Variants in MACROD2 observed in about 807,000 individuals in gnomAD.
MACROD2 encodes the protein ADP-ribose glycohydrolase MACROD2.
MACROD2 carries 36 observed loss-of-function variants against 70.4 expected under a neutral mutation model. The ratio of observed to expected loss-of-function variants is 0.51; its 90% confidence interval spans 0.39 to 0.68. The LOEUF (loss-of-function observed/expected upper bound fraction) is 0.68, where lower values mean the gene tolerates loss of function less well. Ranked by LOEUF, MACROD2 falls within the 30% of genes least tolerant of loss-of-function variation. The pLI, the probability that MACROD2 is intolerant of heterozygous loss-of-function variation, is 0.00. For missense variants in MACROD2, 496 were observed against 538.4 expected, an observed-to-expected ratio of 0.92 and a Z score of 0.78; for synonymous variants, 172 against 178.8, an observed-to-expected ratio of 0.96 and a Z score of 0.30.
intron 5 of MACROD2, among the ~76,000 whole-genome samples, chr20:14,866,777 A>G (rs1294677864): frequency 6.6e-6 from 1 of 152,142 alleles, no homozygotes; most frequent in Non-Finnish European, 1.5e-5. Context: ...GAATGTGGGT[A>G]GGAAGGCATG....
intron 3 of MACROD2, among the ~76,000 whole-genome samples, chr20:14,273,381 C>T (rs1338756482): frequency 1.3e-5 from 2 of 151,026 alleles, no homozygotes; most frequent in East Asian, 1.9e-4. Flanking sequence ...GAACAACCTG[C>T]TCCTGAATGA....
intron 8 of MACROD2, among the ~76,000 whole-genome samples, chr20:15,673,168 T>G (rs933086864): frequency 1.3e-5 from 2 of 152,158 alleles, no homozygotes; most frequent in African/African-American, 2.4e-5. Flanking sequence ...ATGAACCTGA[T>G]GTATAGGAAA....
At chr20:14,739,771 A>G (rs1222373021) in intron 5 of MACROD2, among the ~76,000 whole-genome samples, 2 of 152,072 alleles carry the variant, frequency 1.3e-5, no homozygotes, top group African/African-American at 4.8e-5. Context: ...CATTGACTGA[A>G]TATTGGAAGC....
At chr20:14,442,724 G>T (rs1326731419) in intron 3 of MACROD2, among the ~76,000 whole-genome samples, 1 of 152,058 alleles carries the variant, frequency 6.6e-6, no homozygotes, top group Admixed American at 6.6e-5. Context: ...ACCTGGCCTT[G>T]CTTGGTCCTA....
rs146956813 is a variant in MACROD2, at chr20:15,474,909, T to C, written c.572-24865T>C. ...TCCCCACAGCAGGTAGGAATCACCG[T>C]TGTACTCGGAGGCAGGATCGCTTCC... On this transcript the variant is annotated intron_variant, in intron 7 of 17. Transcript: ENST00000684519. Among the ~76,000 whole-genome samples, 198 of 152,182 alleles carry C rather than the reference T, an allele frequency of 1.3e-3. 1 individual carries two copies. Among genetic ancestry groups the C allele is most frequent in the African/African-American group, 3.5e-3 (144 of 41,508 alleles).
chr20:15,347,491 T>A (rs1433882519), intron 6 of MACROD2, among the ~76,000 whole-genome samples: 2 of 152,234 alleles, frequency 1.3e-5, no homozygotes, highest in East Asian at 3.9e-4. Flanking sequence ...AAATTTATAT[T>A]GGGAAAATGT....
intron 5 of MACROD2, among the ~76,000 whole-genome samples, chr20:15,117,982 T>C (rs1359074647): frequency 1.3e-5 from 2 of 152,122 alleles, no homozygotes; most frequent in East Asian, 1.9e-4. Context: ...AAAGAGAATG[T>C]GTTTTACTTT....
rs114294234 is a variant in MACROD2, at chr20:14,866,214, C to T, written c.418+181255C>T. On this transcript the variant is annotated intron_variant, in intron 5 of 17. Coordinates refer to ENST00000684519, the MANE Select transcript of MACROD2 (RefSeq NM_001351661.2). ...CCAGGAAAAACTTAAGTTATCCTTC[C>T]ACAAGGTGAACTTAACTGGATGTGT... Among the ~76,000 whole-genome samples the T allele has an allele frequency of 1.6e-3, 245 of 152,210 alleles. 1 individual carries two copies. The highest frequency in any genetic ancestry group is 5.4e-3 in the African/African-American group (226 of 41,530).
At chr20:15,365,159 AT>A (rs2045390385) in intron 6 of MACROD2, among the ~76,000 whole-genome samples, 1 of 151,628 alleles carries the variant, frequency 6.6e-6, no homozygotes, top group Non-Finnish European at 1.5e-5. Flanking sequence ...CTTTTAAATT[AT>A]TCTTTGGGGC....
chr20:15,865,765 A>G (rs2064483997), intron 9 of MACROD2, among the ~76,000 whole-genome samples: 1 of 152,188 alleles, frequency 6.6e-6, no homozygotes, highest in Admixed American at 6.5e-5. Flanking sequence ...CAGGAGACCA[A>G]CAGGAAGCCT....
At chr20:15,085,118 T>C (rs1019652609) in intron 5 of MACROD2, among the ~76,000 whole-genome samples, 2 of 152,126 alleles carry the variant, frequency 1.3e-5, no homozygotes, top group African/African-American at 4.8e-5. Context: ...TGGTCCATTG[T>C]TTTTCAACAA....
intron 8 of MACROD2, among the ~76,000 whole-genome samples, chr20:15,504,309 C>T (rs2047399155): frequency 6.6e-6 from 1 of 152,098 alleles, no homozygotes; most frequent in African/African-American, 2.4e-5. Context: ...CTGCTGCACA[C>T]ACAGCACAGT....
At chr20:14,948,836 C>T (rs754587176) in intron 5 of MACROD2, among the ~76,000 whole-genome samples, 2 of 152,124 alleles carry the variant, frequency 1.3e-5, no homozygotes, top group Non-Finnish European at 2.9e-5. Flanking sequence ...GGGTTTGAAG[C>T]CTGGATCATC....
intron 3 of MACROD2, among the ~76,000 whole-genome samples, chr20:14,425,218 T>C (rs1005398467): frequency 2.0e-5 from 3 of 152,218 alleles, no homozygotes; most frequent in African/African-American, 7.2e-5. Context: ...GTCATATCTT[T>C]AAGTACATTT....
intron 5 of MACROD2, among the ~76,000 whole-genome samples, chr20:14,914,284 A>G (rs1279871229): frequency 6.6e-6 from 1 of 152,160 alleles, no homozygotes; most frequent in African/African-American, 2.4e-5. Flanking sequence ...TGTTCTGTTA[A>G]GCGGGAGGGA....
chr20:15,359,407 A>T (rs1211103948), intron 6 of MACROD2, among the ~76,000 whole-genome samples: 1 of 152,038 alleles, frequency 6.6e-6, no homozygotes, highest in Non-Finnish European at 1.5e-5. Context: ...TCTGGCAGCC[A>T]TAAAATTATC....
chr20:15,742,803 C>G (rs560323146), intron 8 of MACROD2, among the ~76,000 whole-genome samples: 2 of 152,324 alleles, frequency 1.3e-5, no homozygotes, highest in East Asian at 3.9e-4. Context: ...AATCATCATA[C>G]ATTCATTTCA....
chr20:15,951,811 G>A (rs149131764), intron 12 of MACROD2, among the ~76,000 whole-genome samples: 38 of 152,216 alleles, frequency 2.5e-4, no homozygotes, highest in Middle Eastern at 3.4e-3. Flanking sequence ...TTCAATTTAC[G>A]TAAATCACCC....
intron 5 of MACROD2, among the ~76,000 whole-genome samples, chr20:14,702,143 T>C (rs2071203608): frequency 6.6e-6 from 1 of 152,156 alleles, no homozygotes; most frequent in Non-Finnish European, 1.5e-5. Context: ...GATGATGCTA[T>C]TTAGAAAGCT....
Sources: gnomAD v4.1 joint callset for allele counts (sites outside exome capture counted in the v4.1 genomes callset) on GRCh38, gnomAD v4.1.1 for gene constraint, MANE v1.5 for transcripts, NCBI Gene and HGNC (gene_info 2026-07-23, HGNC 2026-07-21) for gene names.